PLGRKT: variants seen among roughly 807,000 people sequenced by gnomAD.
The protein encoded by PLGRKT is plasminogen receptor with a C-terminal lysine, also known as plasminogen receptor (KT).
A neutral mutation model predicts 18.5 loss-of-function variants in PLGRKT; 22 were observed. The ratio of observed to expected loss-of-function variants is 1.19; its 90% confidence interval spans 0.85 to 1.70. The LOEUF (loss-of-function observed/expected upper bound fraction) is 1.70, where lower values mean the gene tolerates loss of function less well. Among genes scored for constraint, PLGRKT ranks in the 40% most tolerant of loss-of-function variants. The pLI is 0.00. For missense variants in PLGRKT, 235 were observed against 174.4 expected (o/e 1.35, Z -1.96); for synonymous variants, 72 against 52.8 (o/e 1.36, Z -1.58).
intron 3 of PLGRKT, among the ~76,000 whole-genome samples, chr9:5,389,527 C>T (rs1025014534): frequency 2.6e-5 from 4 of 151,776 alleles, no homozygotes; most frequent in Non-Finnish European, 5.9e-5. Context: ...AAAGACTTTC[C>T]ATTTCCTCCA....
intron 3 of PLGRKT, among the ~76,000 whole-genome samples, chr9:5,394,238 G>C (rs1818002561): frequency 6.6e-6 from 1 of 151,766 alleles, no homozygotes; most frequent in African/African-American, 2.4e-5. Context: ...ATGACTTCCT[G>C]ATGAACTGAG....
At chr9:5,364,210 G>T (rs1414043965) in intron 3 of PLGRKT, among the ~76,000 whole-genome samples, 1 of 152,166 alleles carries the variant, frequency 6.6e-6, no homozygotes, top group East Asian at 1.9e-4. Flanking sequence ...GGTAAAATCA[G>T]GCATCCATAA....
At chr9:5,395,604 T>A (rs561014852) in intron 3 of PLGRKT, among the ~76,000 whole-genome samples, 3 of 151,944 alleles carry the variant, frequency 2.0e-5, no homozygotes, top group Non-Finnish European at 4.4e-5. Flanking sequence ...CTTAAGAACA[T>A]GTTTAAACAG....
At chr9:5,376,040 CACAT>C (rs1455847830) in intron 3 of PLGRKT, among the ~76,000 whole-genome samples, 1 of 152,230 alleles carries the variant, frequency 6.6e-6, no homozygotes, top group African/African-American at 2.4e-5. Flanking sequence ...GAAATTCTGA[CACAT>C]ACAACCACAT....
At chr9:5,399,181 A>G (rs1466019794) in intron 3 of PLGRKT, among the ~76,000 whole-genome samples, 1 of 151,764 alleles carries the variant, frequency 6.6e-6, no homozygotes, top group African/African-American at 2.4e-5. Flanking sequence ...TGCTTCCTGG[A>G]GTCTCATATT....
chr9:5,408,127 C>G (rs1057156778), intron 3 of PLGRKT, among the ~76,000 whole-genome samples: 1 of 152,154 alleles, frequency 6.6e-6, no homozygotes, highest in African/African-American at 2.4e-5. Context: ...GCTATAAAAT[C>G]ATATTATCTT....
chr9:5,360,694 T>C (rs1817243474), intron 5 of PLGRKT, among the ~76,000 whole-genome samples: 1 of 152,222 alleles, frequency 6.6e-6, no homozygotes, highest in Non-Finnish European at 1.5e-5. Flanking sequence ...ATAGATACAA[T>C]AGCTATAAAT....
At chr9:5,366,441 G>C (rs1436342635) in intron 3 of PLGRKT, among the ~76,000 whole-genome samples, 1 of 152,058 alleles carries the variant, frequency 6.6e-6, no homozygotes, top group African/African-American at 2.4e-5. Context: ...CTGCTCTACA[G>C]AATAATTTGA....
chr9:5,398,115 T>C (rs1022634212), intron 3 of PLGRKT, among the ~76,000 whole-genome samples: 4 of 151,744 alleles, frequency 2.6e-5, no homozygotes, highest in Admixed American at 6.6e-5. Flanking sequence ...AGACAATGAA[T>C]AAGATCCCTT....
rs986948209 is a variant in PLGRKT at position 5,418,620 on chromosome 9, G to T, written c.81+13277C>A. ...ACTTCTGCCGGTTCCTGGGCAGCAG[G>T]TGGCGGCTCATATCTCCGGGCAGCA... On this transcript the variant is annotated intron_variant, in intron 3 of 5. Transcript: ENST00000223864. This position sits in a 1 kb window ranked among gnomAD's most constrained non-coding sequence, Gnocchi z 4.2. The T allele has an allele frequency of 4.2e-6, 3 of 720,074 alleles. No homozygotes were observed. The highest frequency in any genetic ancestry group is 3.5e-5 in the African/African-American group (2 of 57,516). 44.6% of individuals were successfully genotyped at this position (720,074 alleles called of 1,614,324 possible).
At chr9:5,420,691 C>A (rs1818559112) in intron 3 of PLGRKT, among the ~76,000 whole-genome samples, 1 of 152,212 alleles carries the variant, frequency 6.6e-6, no homozygotes, top group African/African-American at 2.4e-5. Context: ...TGGTCTTTCT[C>A]CCTACAAAGA....
At chr9:5,433,734 G>C (rs1197321437) in intron 2 of PLGRKT, among the ~76,000 whole-genome samples, 1 of 141,216 alleles carries the variant, frequency 7.1e-6, no homozygotes, top group Non-Finnish European at 1.5e-5. Context: ...CCATCGTCTG[G>C]GATGTGAGGA....
chr9:5,382,723 T>C (rs997254403), intron 3 of PLGRKT, among the ~76,000 whole-genome samples: 9 of 152,130 alleles, frequency 5.9e-5, no homozygotes, highest in East Asian at 5.8e-4. Context: ...CTGTGAGGAA[T>C]AGAGGGGAAC....
At chr9:5,396,872 C>G (rs1818060015) in intron 3 of PLGRKT, among the ~76,000 whole-genome samples, 1 of 152,028 alleles carries the variant, frequency 6.6e-6, no homozygotes, top group East Asian at 1.9e-4. Context: ...CAATTTATCT[C>G]ATCAAAATTA....
chr9:5,424,550 G>T (rs1422682620), intron 3 of PLGRKT, among the ~76,000 whole-genome samples: 1 of 117,040 alleles, frequency 8.5e-6, no homozygotes, highest in African/African-American at 3.5e-5. Flanking sequence ...ATGTTAATAT[G>T]TTTATATAAT....
At chr9:5,424,261 T>A (rs1372670704) in intron 3 of PLGRKT, among the ~76,000 whole-genome samples, 1 of 137,628 alleles carries the variant, frequency 7.3e-6, no homozygotes, top group Non-Finnish European at 1.5e-5. Context: ...ATATACACTA[T>A]ATGTCATATA....
chr9:5,413,577 G>A (rs1365257428), intron 3 of PLGRKT, among the ~76,000 whole-genome samples: 2 of 152,206 alleles, frequency 1.3e-5, no homozygotes, highest in Non-Finnish European at 2.9e-5. Context: ...GGGCCCATGA[G>A]CCAAGGAATG....
chr9:5,425,062 A>G (rs566578148), intron 3 of PLGRKT, among the ~76,000 whole-genome samples: 6 of 152,340 alleles, frequency 3.9e-5, no homozygotes, highest in African/African-American at 1.4e-4. Context: ...CACAATAAAC[A>G]ACAAATAAAC....
intron 3 of PLGRKT, among the ~76,000 whole-genome samples, chr9:5,417,912 G>C (rs1384006068): frequency 6.6e-6 from 1 of 152,188 alleles, no homozygotes; most frequent in African/African-American, 2.4e-5. Flanking sequence ...AAAAAAAGTA[G>C]AGAAGCCAGC....
Sources: gnomAD v4.1 joint callset for allele counts (sites outside exome capture counted in the v4.1 genomes callset) on GRCh38, gnomAD v4.1.1 for gene constraint, Gnocchi (gnomAD v3.1) non-coding constraint, MANE v1.5 for transcripts, NCBI Gene and HGNC (gene_info 2026-07-23, HGNC 2026-07-21) for gene names.